The following GRIN2B variants were observed in gnomAD, a reference collection of about 807,000 sequenced individuals.
GRIN2B encodes the protein glutamate ionotropic receptor NMDA type subunit 2B.
Under a neutral mutation model 114.5 loss-of-function variants are expected in GRIN2B, and 5 were observed. That is an observed-to-expected ratio of 0.04 (90% CI 0.02 to 0.09). The LOEUF is 0.09. Ranked by LOEUF, GRIN2B falls within the 10% of genes least tolerant of loss-of-function variation. The probability of loss-of-function intolerance (pLI) is 1.00; values close to 1 mark genes in which losing one functional copy is unlikely to be tolerated. For synonymous variants in GRIN2B, 787 were observed against 745.1 expected (o/e 1.06, Z -0.92); for missense variants, 1,108 against 1,943.5 (o/e 0.57, Z 8.08).
At chr12:13,665,130 AGAGG>A (rs1217527396) in intron 5 of GRIN2B, among the ~76,000 whole-genome samples, 1 of 140,752 alleles carries the variant, frequency 7.1e-6, no homozygotes, top group East Asian at 2.1e-4. Flanking sequence ...AACTGAAAAG[AGAGG>A]GTGTGTGTGT....
At chr12:13,665,361 G>C (rs11608687) in intron 5 of GRIN2B, among the ~76,000 whole-genome samples, 9,754 of 151,956 alleles carry the variant, frequency 0.064, 334 homozygotes, top group Non-Finnish European at 0.076. Context: ...CACACCTCCA[G>C]CTCCACCCCA....
At chr12:13,744,764 C>A (rs1863348158) in intron 4 of GRIN2B, among the ~76,000 whole-genome samples, 1 of 152,170 alleles carries the variant, frequency 6.6e-6, no homozygotes, top group Admixed American at 6.5e-5. Flanking sequence ...GTGTGACCAG[C>A]CAGCTCAGCT....
At chr12:13,597,262 A>C (rs539042154) in intron 10 of GRIN2B, among the ~76,000 whole-genome samples, 1 of 152,330 alleles carries the variant, frequency 6.6e-6, no homozygotes, top group East Asian at 1.9e-4. Flanking sequence ...CACGGAATCT[A>C]AGGCCAATTT....
chr12:13,649,696 G>C (rs183549773), intron 5 of GRIN2B, among the ~76,000 whole-genome samples: 28 of 152,110 alleles, frequency 1.8e-4, no homozygotes, highest in African/African-American at 5.5e-4. Context: ...ACACCAGACT[G>C]TTTGGGAAAA....
intron 2 of GRIN2B, among the ~76,000 whole-genome samples, chr12:13,928,814 A>G (rs1006120212): frequency 4.6e-5 from 7 of 152,368 alleles, no homozygotes; most frequent in African/African-American, 1.7e-4. Context: ...GAAACCCTAT[A>G]TGGGAAAAGG....
intron 3 of GRIN2B, among the ~76,000 whole-genome samples, chr12:13,807,210 G>A (rs1864617560): frequency 6.6e-6 from 1 of 152,096 alleles, no homozygotes; most frequent in South Asian, 2.1e-4. Flanking sequence ...TGGATTAGAC[G>A]ATTTCTATGG....
Position 13,549,567 on chromosome 12 carries a change from C to T in GRIN2B, c.*13216G>A, listed in dbSNP as rs1202948199. 3 of 152,122 alleles carry T rather than the reference C, an allele frequency of 2.0e-5. No individual in the cohort carries two copies. Among genetic ancestry groups the T allele is most frequent in the South Asian group, 4.1e-4 (2 of 4,828 alleles). 9.4% of individuals were successfully genotyped at this position (152,122 alleles called of 1,614,324 possible). A position where few individuals can be genotyped will look rare whatever the true frequency, so the allele number is the denominator to read the frequency against. On this transcript the variant is annotated 3_prime_UTR_variant, in exon 14 of 14. Coordinates refer to ENST00000609686, the MANE Select transcript of GRIN2B (RefSeq NM_000834.5). ...GGCTGACCAAAACTACTGACACCTT[C>T]GGAGTATCATGACACCCCTGCACAC...
At chr12:13,858,331 C>A (rs942106763) in intron 3 of GRIN2B, among the ~76,000 whole-genome samples, 4 of 152,086 alleles carry the variant, frequency 2.6e-5, no homozygotes, top group African/African-American at 9.7e-5. Flanking sequence ...AGAATTATAG[C>A]AATAAACCTT....
rs898155281 is a variant in GRIN2B at position 13,549,140 on chromosome 12, A to G, written c.*13643T>C. On this transcript the variant is annotated 3_prime_UTR_variant, in exon 14 of 14. Transcript: ENST00000609686. ...ACTAAAATCTTTGGAAAGATGGATT[A>G]TATCCTGAGCTTGATATCATTCATA... 2 of 152,200 alleles carry G rather than the reference A, an allele frequency of 1.3e-5. No individual in the cohort carries two copies. Among genetic ancestry groups the G allele is most frequent in the Non-Finnish European group, 2.9e-5 (2 of 68,028 alleles). 9.4% of individuals were successfully genotyped at this position (152,200 alleles called of 1,614,324 possible). A position where few individuals can be genotyped will look rare whatever the true frequency, so the allele number is the denominator to read the frequency against.
At chr12:13,778,929 C>A (rs1236602519) in intron 3 of GRIN2B, among the ~76,000 whole-genome samples, 1 of 34,734 alleles carries the variant, frequency 2.9e-5, no homozygotes, top group Non-Finnish European at 5.4e-5. Context: ...TTAACCCCTT[C>A]AAATGACCCA....
intron 4 of GRIN2B, among the ~76,000 whole-genome samples, chr12:13,699,196 T>A (rs1173641737): frequency 2.0e-5 from 3 of 152,192 alleles, no homozygotes; most frequent in African/African-American, 7.2e-5. Flanking sequence ...ATTTTCGTAT[T>A]GCTGCTGTGT....
At chr12:13,686,161 T>G (rs1446851364) in intron 4 of GRIN2B, among the ~76,000 whole-genome samples, 1 of 152,184 alleles carries the variant, frequency 6.6e-6, no homozygotes, top group East Asian at 1.9e-4. Context: ...ATGGCACTGT[T>G]TCTAGACCAG....
chr12:13,824,285 G>A (rs1300908587), intron 3 of GRIN2B, among the ~76,000 whole-genome samples: 1 of 152,062 alleles, frequency 6.6e-6, no homozygotes, highest in East Asian at 1.9e-4. Context: ...GATTTTACCA[G>A]GAATTCAGTT....
chr12:13,589,434 C>T (rs1279377327), intron 10 of GRIN2B, among the ~76,000 whole-genome samples: 1 of 152,166 alleles, frequency 6.6e-6, no homozygotes, highest in Non-Finnish European at 1.5e-5. Context: ...GCCTCTAGGC[C>T]TTAGCTATAG....
chr12:13,827,732 A>G (rs911479844), intron 3 of GRIN2B, among the ~76,000 whole-genome samples: 5 of 151,814 alleles, frequency 3.3e-5, no homozygotes, highest in African/African-American at 1.2e-4. Flanking sequence ...CCCAGGGTGG[A>G]GTGCGGTGGT....
chr12:13,927,782 C>T (rs539974814), intron 2 of GRIN2B, among the ~76,000 whole-genome samples: 1 of 148,980 alleles, frequency 6.7e-6, no homozygotes, highest in Admixed American at 6.7e-5. Context: ...AATGAGACCC[C>T]CATCTCTACA....
chr12:13,790,321 C>T (rs1724878341), intron 3 of GRIN2B, among the ~76,000 whole-genome samples: 2 of 152,214 alleles, frequency 1.3e-5, no homozygotes, highest in Admixed American at 6.5e-5. Context: ...CCCCTCCCAT[C>T]CTGGCTCTTC....
chr12:13,665,169 G>GTGTGTGTGTGTGTGTGTT lies in GRIN2B; in HGVS notation c.1125+10575_1125+10576insAACACACACACACACACA, dbSNP rs1949962595. On this transcript the variant is annotated intron_variant, in intron 5 of 13. Coordinates refer to ENST00000609686, the MANE Select transcript of GRIN2B (RefSeq NM_000834.5). The stretch of plus-strand genomic sequence containing the variant: ...TGTTTGTGTGTGTGTGTGTGTGTTT[G>GTGTGTGTGTGTGTGTGTT]TGTGTGTGTGTGTGTGTGTGTGATA... Among the ~76,000 whole-genome samples the GTGTGTGTGTGTGTGTGTT allele has an allele frequency of 2.4e-3, 9 of 3,700 alleles. 1 individual carries two copies. Among genetic ancestry groups the GTGTGTGTGTGTGTGTGTT allele is most frequent in the African/African-American group, 4.6e-3 (8 of 1,732 alleles). The allele number at this position is 3,700 out of a possible 152,430, so 2.4% of individuals were successfully genotyped here. A position where few individuals can be genotyped will look rare whatever the true frequency, so the allele number is the denominator to read the frequency against.
At chr12:13,617,143 A>C (rs894999524) in intron 5 of GRIN2B, among the ~76,000 whole-genome samples, 1 of 152,372 alleles carries the variant, frequency 6.6e-6, no homozygotes, top group South Asian at 2.1e-4. Context: ...AATGGGAGCA[A>C]ATGAGCCAAA....
Sources: allele counts gnomAD v4.1 joint callset (sites outside exome capture counted in the v4.1 genomes callset), GRCh38; gene constraint gnomAD v4.1.1; transcripts MANE v1.5; gene names NCBI Gene and HGNC (gene_info 2026-07-23, HGNC 2026-07-21).